LRRC75A: variants seen among roughly 807,000 people sequenced by gnomAD.
The protein encoded by LRRC75A is leucine-rich repeat-containing protein 75A.
A neutral mutation model predicts 26.0 loss-of-function variants in LRRC75A; 12 were observed. The observed-to-expected ratio is 0.46, with a 90% confidence interval of 0.30 to 0.75. The LOEUF is 0.75. LRRC75A is among the 30% of genes least tolerant of loss of function. The probability of loss-of-function intolerance (pLI) is 0.08; values close to 1 mark genes in which losing one functional copy is unlikely to be tolerated. For synonymous variants in LRRC75A, 223 were observed against 219.3 expected (o/e 1.02, Z -0.15); for missense variants, 410 against 486.6 (o/e 0.84, Z 1.48).
intron 1 of LRRC75A, among the ~76,000 whole-genome samples, chr17:16,483,320 C>T (rs1015626095): frequency 6.6e-6 from 1 of 152,210 alleles, no homozygotes; most frequent in Admixed American, 6.5e-5. Flanking sequence ...TGTGATGTGG[C>T]CTTTCACCCT....
In LRRC75A at chr17:16,462,410, A is replaced by G. The variant is rs2093734892; in HGVS notation, c.247-24T>C. On this transcript the variant is annotated intron_variant, in intron 1 of 3. Transcript: ENST00000470794. The surrounding 1 kb of genome is among the most constrained non-coding windows in gnomAD (Gnocchi z 4.6). The stretch of plus-strand genomic sequence containing the variant: ...TCCTGCAAGAGCAAAGGATGCCCAG[A>G]GGTCAGGGCTGGCTGCCCACCCAGC... 1 of 1,613,168 alleles carries G rather than the reference A, an allele frequency of 6.2e-7. No homozygotes were observed. The highest frequency in any genetic ancestry group is 1.1e-5 in the South Asian group (1 of 91,088).
chr17:16,456,097 AGGGGAGGGGGAG>A (rs2093675360), intron 2 of LRRC75A, among the ~76,000 whole-genome samples: 1 of 88,226 alleles, frequency 1.1e-5, no homozygotes, highest in African/African-American at 4.6e-5. Context: ...AGGAGGAGGA[AGGGGAGGGGGAG>A]GAGGAGGAGT....
intron 2 of LRRC75A, among the ~76,000 whole-genome samples, chr17:16,453,298 A>ACACACACACACACGCACACACG (rs1491491036): frequency 5.1e-5 from 5 of 98,546 alleles, no homozygotes; most frequent in African/African-American, 1.7e-4. Flanking sequence ...GGACTCCTAA[A>ACACACACACACACGCACACACG]CACACACACA....
At position 16,444,097 on chromosome 17, in the gene LRRC75A, TGTC is replaced by T. The variant is rs765046139; in HGVS notation, c.523_525del (p.Asp175del). The stretch of plus-strand genomic sequence containing the variant: ...GGGATTCCCGACAGGTCCACTGTGT[TGTC>T]TGGGGGGCTTCCGGCCAGGACAGCC... On this transcript the variant is annotated inframe_deletion, in exon 4 of 4. Coordinates refer to ENST00000470794, the MANE Select transcript of LRRC75A (RefSeq NM_001113567.3). 1.5e-5 allele frequency: 24 copies of T among 1,608,730 alleles called. No homozygotes were observed. Among genetic ancestry groups the T allele is most frequent in the East Asian group, 2.2e-5 (1 of 44,706 alleles).
intron 1 of LRRC75A, among the ~76,000 whole-genome samples, chr17:16,488,828 C>A (rs755946993): frequency 6.6e-6 from 1 of 152,190 alleles, no homozygotes; most frequent in African/African-American, 2.4e-5. Context: ...GCTGGAGAGA[C>A]GCCCTCCAAA....
chr17:16,491,710 C>T lies in LRRC75A; in HGVS notation c.246+35G>A. 1 of 1,296,754 alleles carries T rather than the reference C, an allele frequency of 7.7e-7. No homozygotes were observed. Among genetic ancestry groups the T allele is most frequent in the Non-Finnish European group, 9.8e-7 (1 of 1,024,142 alleles). The allele number at this position is 1,296,754 out of a possible 1,614,324, so 80.3% of individuals were successfully genotyped here. A position where few individuals can be genotyped will look rare whatever the true frequency, so the allele number is the denominator to read the frequency against. The stretch of plus-strand genomic sequence containing the variant: ...CCCCCGGCCCAGCACGCCCCCTGGC[C>T]CGGCGCGCCCCCCGCGCCCCCTCCC... On this transcript the variant is annotated intron_variant, in intron 1 of 3. Transcript: ENST00000470794. The surrounding 1 kb of genome is among the most constrained non-coding windows in gnomAD (Gnocchi z 5.9).
intron 1 of LRRC75A, among the ~76,000 whole-genome samples, chr17:16,482,186 G>A (rs1270078822): frequency 6.6e-6 from 1 of 152,178 alleles, no homozygotes; most frequent in Non-Finnish European, 1.5e-5. Context: ...CAGAAACTAA[G>A]GGCAGTGGGG....
At chr17:16,460,990 A>G (rs533846117) in intron 2 of LRRC75A, 1 of 152,508 alleles carries the variant, frequency 6.6e-6, no homozygotes, top group East Asian at 1.9e-4. Flanking sequence ...GGCTTCCTCA[A>G]CACCAGCTTT....
At chr17:16,458,172 G>T (rs887247341) in intron 2 of LRRC75A, among the ~76,000 whole-genome samples, 3 of 152,068 alleles carry the variant, frequency 2.0e-5, no homozygotes, top group African/African-American at 7.2e-5. Flanking sequence ...CAGTTGTGGT[G>T]GCAGGTGCCT....
intron 2 of LRRC75A, among the ~76,000 whole-genome samples, chr17:16,454,261 G>A (rs892373775): frequency 1.3e-5 from 2 of 151,998 alleles, no homozygotes; most frequent in South Asian, 2.1e-4. Context: ...GCATGGTGGC[G>A]GGCACCTGTA....
At chr17:16,466,967 T>G (rs142017967) in intron 1 of LRRC75A, among the ~76,000 whole-genome samples, 2 of 152,144 alleles carry the variant, frequency 1.3e-5, no homozygotes, top group Non-Finnish European at 2.9e-5. Context: ...ATTTTCTTCA[T>G]AGATGTCAAT....
intron 2 of LRRC75A, among the ~76,000 whole-genome samples, chr17:16,453,340 ACGCACACG>A (rs1189840028): frequency 2.1e-5 from 3 of 141,458 alleles, no homozygotes; most frequent in East Asian, 3.9e-4. Context: ...ACACGCACAC[ACGCACACG>A]CACACACACA....
At chr17:16,461,447 G>A (rs11653149) in intron 2 of LRRC75A, among the ~76,000 whole-genome samples, 29,176 of 152,218 alleles carry the variant, frequency 0.19, 3,501 homozygotes, top group Middle Eastern at 0.29. Flanking sequence ...GTCCCCAGCC[G>A]GCCCTCCCCT....
chr17:16,491,573 C>G lies in LRRC75A; in HGVS notation c.246+172G>C, dbSNP rs548261512. Reference sequence around the variant, plus strand: ...CCGCCCTGCCCTGAGGCCCCACATTCAGCGGAAGCGCCGAGGCACCTGCTG... The same window carrying G: ...CCGCCCTGCCCTGAGGCCCCACATTGAGCGGAAGCGCCGAGGCACCTGCTG... On this transcript the variant is annotated intron_variant, in intron 1 of 3. Coordinates refer to ENST00000470794, the MANE Select transcript of LRRC75A (RefSeq NM_001113567.3). This position sits in a 1 kb window ranked among gnomAD's most constrained non-coding sequence, Gnocchi z 5.9. 6.6e-6 allele frequency among the ~76,000 whole-genome samples: 1 copy of G among 152,336 alleles called. No individual in the cohort carries two copies. The highest frequency in any genetic ancestry group is 2.4e-5 in the African/African-American group (1 of 41,592).
intron 1 of LRRC75A, among the ~76,000 whole-genome samples, chr17:16,473,426 G>A (rs1288836273): frequency 1.3e-5 from 2 of 152,166 alleles, no homozygotes; most frequent in African/African-American, 2.4e-5. Context: ...TGATGTCTAA[G>A]GTGGGCATTG....
At position 16,462,156 on chromosome 17, in the gene LRRC75A, G is replaced by C. The variant is rs2093732308; in HGVS notation, c.375+102C>G. 6 of 1,341,162 alleles carry C rather than the reference G, an allele frequency of 4.5e-6. No individual in the cohort carries two copies. The highest frequency in any genetic ancestry group is 5.1e-6 in the Non-Finnish European group (5 of 980,446). 83.1% of individuals were successfully genotyped at this position (1,341,162 alleles called of 1,614,324 possible). On this transcript the variant is annotated intron_variant, in intron 2 of 3. Transcript: ENST00000470794. This position sits in a 1 kb window ranked among gnomAD's most constrained non-coding sequence, Gnocchi z 4.6. ...CCTGGAGGACGGGCTTGTCCTCCTTGGGCCTGTCTGCCAGTCCTCCTTGGG... is the reference window on the plus strand; with the variant it reads ...CCTGGAGGACGGGCTTGTCCTCCTTCGGCCTGTCTGCCAGTCCTCCTTGGG...
At chr17:16,448,178 G>C (rs900681161) in intron 2 of LRRC75A, 1 of 557,944 alleles carries the variant, frequency 1.8e-6, no homozygotes, top group African/African-American at 1.9e-5. Flanking sequence ...TGCTAGCATT[G>C]AAAAACAGAT....
chr17:16,479,409 C>G (rs1482788363), intron 1 of LRRC75A, among the ~76,000 whole-genome samples: 1 of 152,244 alleles, frequency 6.6e-6, no homozygotes, highest in African/African-American at 2.4e-5. Context: ...ATACTCTAAA[C>G]TTCTGTGTGG....
chr17:16,448,072 G>T, intron 2 of LRRC75A, 112 bp from the exon 3 acceptor site: 1 of 971,478 alleles, frequency 1.0e-6, no homozygotes, highest in Admixed American at 2.0e-5. Flanking sequence ...CTGAGCTGGG[G>T]GAGGCCCTGC....
Sources: gnomAD v4.1 joint callset for allele counts (sites outside exome capture counted in the v4.1 genomes callset) on GRCh38, gnomAD v4.1.1 for gene constraint, Gnocchi (gnomAD v3.1) non-coding constraint, MANE v1.5 for transcripts, NCBI Gene and HGNC (gene_info 2026-07-23, HGNC 2026-07-21) for gene names.